The following ZNF736 variants were observed in gnomAD, a reference collection of about 807,000 sequenced individuals.
The protein encoded by ZNF736 is KRAB-containing zinc-finger repressor protein.
ZNF736 carries 6 observed loss-of-function variants against 11.7 expected under a neutral mutation model. The observed-to-expected ratio is 0.51, with a 90% CI of 0.28 to 1.01. The LOEUF (loss-of-function observed/expected upper bound fraction) is 1.01, where lower values mean the gene tolerates loss of function less well. Ranked by LOEUF, ZNF736 falls within the 50% of genes least tolerant of loss-of-function variation. The pLI is 0.09. For synonymous variants in ZNF736, 139 were observed against 164.7 expected (o/e 0.84, Z 1.19); for missense variants, 444 against 496.0 (o/e 0.90, Z 1.00).
chr7:64,337,746 GTTTT>G (rs1187066176), intron 3 of ZNF736, among the ~76,000 whole-genome samples: 3 of 79,360 alleles, frequency 3.8e-5, no homozygotes, highest in African/African-American at 1.2e-4. Context: ...GTTTTGTTTT[GTTTT>G]TTTTGGTTTT....
At chr7:64,342,616 G>T (rs1157349716) in intron 3 of ZNF736, among the ~76,000 whole-genome samples, 1 of 151,786 alleles carries the variant, frequency 6.6e-6, no homozygotes, top group African/African-American at 2.4e-5. Flanking sequence ...TTACTATGAA[G>T]ACTACTAGGG....
At chr7:64,332,880 A>T (rs1407454671) in intron 1 of ZNF736, among the ~76,000 whole-genome samples, 2 of 152,164 alleles carry the variant, frequency 1.3e-5, no homozygotes, top group African/African-American at 4.8e-5. Context: ...CCCCGCAGGT[A>T]CTCAGACCTT....
chr7:64,326,530 T>C (rs1789085029), intron 1 of ZNF736, among the ~76,000 whole-genome samples: 3 of 152,238 alleles, frequency 2.0e-5, no homozygotes, highest in Admixed American at 1.3e-4. Context: ...CTTTTCATTA[T>C]GTTTCTTCTG....
chr7:64,343,953 C>CTTTTTTTT (rs142010013), intron 3 of ZNF736, among the ~76,000 whole-genome samples: 1 of 148,044 alleles, frequency 6.8e-6, no homozygotes, highest in African/African-American at 2.5e-5. Flanking sequence ...TGTATATTTG[C>CTTTTTTTT]TTTTTTTTTT....
At chr7:64,329,041 C>T (rs1789121883) in intron 1 of ZNF736, among the ~76,000 whole-genome samples, 1 of 151,698 alleles carries the variant, frequency 6.6e-6, no homozygotes, top group Non-Finnish European at 1.5e-5. Flanking sequence ...ATCAGTTCTG[C>T]TGTTGAGAGA....
chr7:64,333,506 T>G lies in ZNF736; in HGVS notation c.4-2753T>G, dbSNP rs868748793. On this transcript the variant is annotated intron_variant, in intron 1 of 3. Coordinates refer to ENST00000423484, the MANE Select transcript of ZNF736 (RefSeq NM_001170905.3). Reference sequence around the variant, plus strand: ...GAAGGAGACCATGTACTGTTTAGCTTCCATTAAATCTATGCAAAACTGCTT... The same window carrying G: ...GAAGGAGACCATGTACTGTTTAGCTGCCATTAAATCTATGCAAAACTGCTT... Among the ~76,000 whole-genome samples the G allele has an allele frequency of 7.9e-5, 12 of 152,212 alleles. No homozygotes were observed. The South Asian group carries it at 2.5e-3, about 32-fold the overall frequency.
chr7:64,318,358 G>A (rs1168200713), intron 1 of ZNF736, among the ~76,000 whole-genome samples: 5 of 151,906 alleles, frequency 3.3e-5, no homozygotes, highest in South Asian at 2.1e-4. Context: ...ATAAAGATTT[G>A]AGAAACTATT....
intron 1 of ZNF736, among the ~76,000 whole-genome samples, chr7:64,319,663 T>C (rs1422827461): frequency 1.3e-5 from 2 of 150,828 alleles, no homozygotes. Flanking sequence ...GCCTGGCTAA[T>C]TTTTTGTATT....
chr7:64,347,154 C>T (rs181577665), intron 3 of ZNF736, among the ~76,000 whole-genome samples: 90 of 147,056 alleles, frequency 6.1e-4, no homozygotes, highest in Non-Finnish European at 7.4e-5. Flanking sequence ...CTTGGAGTCT[C>T]TCAAGCCTGT....
chr7:64,319,809 CT>C (rs1480320237), intron 1 of ZNF736, among the ~76,000 whole-genome samples: 1 of 67,708 alleles, frequency 1.5e-5, no homozygotes, highest in Admixed American at 1.2e-4. Context: ...CATTTCTTTA[CT>C]TGTCTTTTTC....
At chr7:64,337,966 G>T in intron 3 of ZNF736, among the ~76,000 whole-genome samples, 1 of 152,034 alleles carries the variant, frequency 6.6e-6, no homozygotes, top group East Asian at 1.9e-4. Flanking sequence ...TATTGGTCAG[G>T]CTGGTCTCGA....
At chr7:64,340,599 G>A (rs1244441394) in intron 3 of ZNF736, among the ~76,000 whole-genome samples, 3 of 152,144 alleles carry the variant, frequency 2.0e-5, no homozygotes, top group Non-Finnish European at 2.9e-5. Context: ...TTGAGAAGGA[G>A]TCTCACTATA....
chr7:64,323,474 C>G (rs1789030167), intron 1 of ZNF736, among the ~76,000 whole-genome samples: 1 of 151,956 alleles, frequency 6.6e-6, no homozygotes, highest in Non-Finnish European at 1.5e-5. Context: ...ATAGCAAAGA[C>G]ATGGAATTAA....
chr7:64,336,664 A>G (rs1789255729), intron 2 of ZNF736, among the ~76,000 whole-genome samples: 1 of 152,280 alleles, frequency 6.6e-6, no homozygotes, highest in South Asian at 2.1e-4. Flanking sequence ...TAAAAATGCA[A>G]TTTTCACAGC....
intron 1 of ZNF736, among the ~76,000 whole-genome samples, chr7:64,317,725 A>C (rs1788936663): frequency 6.6e-6 from 1 of 152,130 alleles, no homozygotes; most frequent in South Asian, 2.1e-4. Context: ...ATCAGCTTTG[A>C]CCATACAAGA....
chr7:64,348,279 C>A lies in ZNF736; in HGVS notation c.416C>A (p.Ala139Asp). 6.4e-7 allele frequency: 1 copy of A among 1,551,902 alleles called. No homozygotes were observed. Among genetic ancestry groups the A allele is most frequent in the Non-Finnish European group, 8.7e-7 (1 of 1,146,904 alleles). The change falls in exon 4 of 4, where the codon GCT (alanine) becomes GAT (aspartate). Residue 139 changes from alanine to aspartate, a missense_variant. By Grantham distance (126) the Ala-to-Asp change is moderately radical. Coordinates refer to ENST00000423484, the MANE Select transcript of ZNF736 (RefSeq NM_001170905.3). ...AATGGCCTTCATCAATGTTTGTCAG[C>A]TACCCATAGCAAAACCTGTCAATGT... Reference protein sequence around the residue: ...SYNGLHQCLSATHSKTCQCNK... With the variant: ...SYNGLHQCLSDTHSKTCQCNK...
rs565913751 is a variant in ZNF736, at chr7:64,323,756, AG to A, written c.3+9605del. On this transcript the variant is annotated intron_variant, in intron 1 of 3. Coordinates refer to ENST00000423484, the MANE Select transcript of ZNF736 (RefSeq NM_001170905.3). ...CCTGTCAGGGGGCGGGGAAAGCATC[AG>A]GAAGAACAGCTAATGGGTGCTGAGC... Among the ~76,000 whole-genome samples the A allele has an allele frequency of 9.3e-4, 141 of 152,306 alleles. 1 individual carries two copies. Among genetic ancestry groups the A allele is most frequent in the African/African-American group, 3.2e-3 (135 of 41,568 alleles).
At chr7:64,316,568 C>T (rs1467205673) in intron 1 of ZNF736, among the ~76,000 whole-genome samples, 2 of 152,172 alleles carry the variant, frequency 1.3e-5, no homozygotes, top group Admixed American at 1.3e-4. Context: ...CTTTAGTGAG[C>T]AGAATGGGGG....
intron 2 of ZNF736, 127 bp downstream of exon 2, chr7:64,336,512 A>G (rs1789252840): frequency 3.0e-6 from 3 of 995,804 alleles, no homozygotes; most frequent in South Asian, 2.1e-5. Flanking sequence ...AAAATTGGGT[A>G]TCTGTTGAGG....
Sources: allele counts gnomAD v4.1 joint callset (sites outside exome capture counted in the v4.1 genomes callset), GRCh38; gene constraint gnomAD v4.1.1; transcripts MANE v1.5; gene names NCBI Gene and HGNC (gene_info 2026-07-23, HGNC 2026-07-21).